The following PDE12 variants were observed in gnomAD, a reference collection of about 807,000 sequenced individuals.
The protein encoded by PDE12 is phosphodiesterase 12.
Under a neutral mutation model 45.4 loss-of-function variants are expected in PDE12, and 26 were observed. The observed-to-expected ratio is 0.57, with a 90% CI of 0.42 to 0.79. The LOEUF (loss-of-function observed/expected upper bound fraction) is 0.79, where lower values mean the gene tolerates loss of function less well. Among genes scored for constraint, PDE12 ranks in the 30% least tolerant of loss-of-function variants. The pLI is 0.00. For missense variants in PDE12, 668 were observed against 790.0 expected, an observed-to-expected ratio of 0.85 and a Z score of 1.85; for synonymous variants, 283 against 323.9, an observed-to-expected ratio of 0.87 and a Z score of 1.36.
chr3:57,635,819 T>C, the PDE12 span, among the ~76,000 whole-genome samples: 2 of 152,306 alleles, frequency 1.3e-5, no homozygotes, highest in East Asian at 3.9e-4. Flanking sequence ...ACTGTGCATA[T>C]TCACTTATAC....
At chr3:57,568,095 T>TAAAAAAAAAAA (rs2069802595), downstream of PDE12, among the ~76,000 whole-genome samples, 1 of 100,408 alleles carries the variant, frequency 1.0e-5, no homozygotes, top group African/African-American at 3.8e-5. Context: ...AAAAAAAAAG[T>TAAAAAAAAAAA]AAAGCACTTG....
At chr3:57,597,264 G>A in the PDE12 span, 18 of 972,178 alleles carry the variant, frequency 1.9e-5, 1 homozygote, top group African/African-American at 4.9e-5. Flanking sequence ...AAGAAAGAGG[G>A]AGGCAGAAAC....
At chr3:57,611,942 G>A in the PDE12 span, among the ~76,000 whole-genome samples, 35 of 152,110 alleles carry the variant, frequency 2.3e-4, no homozygotes, top group South Asian at 1.9e-3. Context: ...GCATGCCCAC[G>A]TATGTTTATC....
the PDE12 span, chr3:57,630,534 A>G: frequency 6.3e-7 from 1 of 1,583,832 alleles, no homozygotes; most frequent in South Asian, 1.2e-5. Flanking sequence ...CTATAAAAAT[A>G]CATTTTAAAA....
chr3:57,560,911 A>G lies in PDE12; in HGVS notation c.*907A>G. The G allele has an allele frequency of 4.1e-6, 4 of 984,828 alleles. No individual in the cohort carries two copies. Among genetic ancestry groups the G allele is most frequent in the Non-Finnish European group, 4.8e-6 (4 of 828,944 alleles). The allele number at this position is 984,828 out of a possible 1,614,324, so 61.0% of individuals were successfully genotyped here. The stretch of plus-strand genomic sequence containing the variant: ...TACAATTTCAGAGCTTTAACAAAAG[A>G]TAAAAATAAATCGTCACCAATTGTT... On this transcript the variant is annotated 3_prime_UTR_variant, in exon 3 of 3. Transcript: ENST00000311180.
the PDE12 span, among the ~76,000 whole-genome samples, chr3:57,629,656 C>T: frequency 1.3e-5 from 2 of 151,008 alleles, no homozygotes; most frequent in African/African-American, 2.4e-5. Context: ...GGACTACAGG[C>T]GCCTGCCACC....
chr3:57,579,503 G>C, the PDE12 span, among the ~76,000 whole-genome samples: 22 of 151,908 alleles, frequency 1.4e-4, no homozygotes, highest in African/African-American at 5.1e-4. Flanking sequence ...GGCCAGGTTA[G>C]TCTTGAACTC....
At chr3:57,627,340 CA>C in the PDE12 span, 1 of 152,106 alleles carries the variant, frequency 6.6e-6, no homozygotes, top group Non-Finnish European at 1.5e-5. Context: ...GACGGGGTTT[CA>C]CCATGTTGGC....
At chr3:57,629,678 A>AT in the PDE12 span, among the ~76,000 whole-genome samples, 6,477 of 136,474 alleles carry the variant, frequency 0.047, 177 homozygotes, top group African/African-American at 0.081. Flanking sequence ...CGCCCGGCTA[A>AT]TTTTTTTTTT....
At chr3:57,646,313 C>A in the PDE12 span, 1 of 1,606,474 alleles carries the variant, frequency 6.2e-7, no homozygotes, top group Non-Finnish European at 8.5e-7. Flanking sequence ...CAAATAGACT[C>A]ACTTAACAAG....
chr3:57,601,740 CTTCTT>C, the PDE12 span, among the ~76,000 whole-genome samples: 1 of 136,098 alleles, frequency 7.3e-6, no homozygotes, highest in Non-Finnish European at 1.6e-5. Context: ...TTTTTCTTTC[CTTCTT>C]TTTTTTTTTT....
At chr3:57,614,542 TTG>T in the PDE12 span, among the ~76,000 whole-genome samples, 2 of 122,086 alleles carry the variant, frequency 1.6e-5, no homozygotes, top group Non-Finnish European at 1.7e-5. Context: ...TTTTTGTTTT[TTG>T]TTTTTTTTTT....
At chr3:57,574,874 G>A in the PDE12 span, among the ~76,000 whole-genome samples, 1 of 144,854 alleles carries the variant, frequency 6.9e-6, no homozygotes, top group Admixed American at 6.9e-5. Flanking sequence ...TTGAGACCGA[G>A]TTTCGCTCTT....
chr3:57,559,642 C>A lies in PDE12; in HGVS notation c.1468C>A (p.Pro490Thr). 2 of 1,614,072 alleles carry A rather than the reference C, an allele frequency of 1.2e-6. No individual in the cohort carries two copies. The highest frequency in any genetic ancestry group is 1.7e-6 in the Non-Finnish European group (2 of 1,180,006). Reference protein sequence around the residue: ...HVSCDLYPGIPVIFCGDFNST... With the variant: ...HVSCDLYPGITVIFCGDFNST... Reference sequence around the variant, plus strand: ...TTCATGTGATCTGTATCCTGGCATACCAGTTATATTTTGTGGGGACTTTAA... The same window carrying A: ...TTCATGTGATCTGTATCCTGGCATAACAGTTATATTTTGTGGGGACTTTAA... Residue 490 changes from proline to threonine, a missense_variant, in exon 3 of 3, where the codon CCA becomes ACA. By Grantham distance (38) the Pro-to-Thr change is conservative. Around this residue, in one of 3 missense-constraint regions of PDE12, gnomAD observed 580 missense variants for 662.9 expected, o/e 0.87. Coordinates refer to ENST00000311180, the MANE Select transcript of PDE12 (RefSeq NM_177966.7).
the PDE12 span, among the ~76,000 whole-genome samples, chr3:57,644,714 A>G: frequency 0.017 from 258 of 14,764 alleles, no homozygotes; most frequent in Middle Eastern, 0.045. Context: ...GGGAGGGGAG[A>G]GGAGGGGAGA....
the PDE12 span, among the ~76,000 whole-genome samples, chr3:57,638,894 G>C: frequency 6.6e-6 from 1 of 152,054 alleles, no homozygotes; most frequent in East Asian, 1.9e-4. Flanking sequence ...CTTGAGCACA[G>C]GAGTTTAGGA....
At chr3:57,619,914 A>G in the PDE12 span, among the ~76,000 whole-genome samples, 12 of 151,884 alleles carry the variant, frequency 7.9e-5, no homozygotes, top group Admixed American at 2.6e-4. Context: ...ACCTACAGCT[A>G]GTATCATAAT....
chr3:57,556,470 G>A lies in PDE12; in HGVS notation c.91G>A (p.Ala31Thr). Reference protein sequence around the residue: ...LSRAEAGSQTAAGAMERAVVR... With the variant: ...LSRAEAGSQTTAGAMERAVVR... ...CCGGGCTGAAGCGGGGAGCCAGACA[G>A]CGGCGGGAGCGATGGAGCGCGCTGT... The change falls in exon 1 of 3, where the codon GCG (alanine) becomes ACG (threonine). Residue 31 changes from alanine to threonine, a missense_variant. By Grantham distance (58) the Ala-to-Thr change is moderately conservative. Around this residue, in one of 3 missense-constraint regions of PDE12, gnomAD observed 580 missense variants for 662.9 expected, o/e 0.87. Coordinates refer to ENST00000311180, the MANE Select transcript of PDE12 (RefSeq NM_177966.7). The surrounding 1 kb of genome is among the most constrained non-coding windows in gnomAD (Gnocchi z 5.0). 1.2e-6 allele frequency: 2 copies of A among 1,611,698 alleles called. No homozygotes were observed. The highest frequency in any genetic ancestry group is 1.7e-6 in the Non-Finnish European group (2 of 1,179,052).
chr3:57,654,064 C>A, the PDE12 span, among the ~76,000 whole-genome samples: 1 of 149,140 alleles, frequency 6.7e-6, no homozygotes, highest in Admixed American at 6.8e-5. Flanking sequence ...TCTCTTGCCT[C>A]AGCCTCCCAA....
Sources: gnomAD v4.1 joint callset for allele counts (sites outside exome capture counted in the v4.1 genomes callset) on GRCh38, gnomAD v4.1.1 for gene constraint, gnomAD v4.1.1 regional missense constraint, Gnocchi (gnomAD v3.1) non-coding constraint, MANE v1.5 for transcripts, NCBI Gene and HGNC (gene_info 2026-07-23, HGNC 2026-07-21) for gene names.